FAT4: variants seen among roughly 807,000 people sequenced by gnomAD.
The protein encoded by FAT4 is protocadherin Fat 4.
In FAT4, 84 loss-of-function variants were observed where a neutral mutation model predicts 303.9. That is an observed-to-expected ratio of 0.28 (90% CI 0.23 to 0.33). FAT4 has a LOEUF of 0.33. FAT4 is among the 10% of genes least tolerant of loss of function. The pLI, the probability that FAT4 is intolerant of heterozygous loss-of-function variation, is 1.00. For missense variants in FAT4, 6,005 were observed against 6,146.8 expected, an observed-to-expected ratio of 0.98 and a Z score of 0.77; for synonymous variants, 2,307 against 2,298.8, an observed-to-expected ratio of 1.00 and a Z score of -0.10.
chr4:125,321,051 T>C lies in FAT4; in HGVS notation c.4640T>C (p.Leu1547Pro). 1 of 1,614,204 alleles carries C rather than the reference T, an allele frequency of 6.2e-7. No individual in the cohort carries two copies. The highest frequency in any genetic ancestry group is 8.5e-7 in the Non-Finnish European group (1 of 1,180,016). Residue 1547 changes from leucine (L) to proline (P), a missense_variant, in exon 2 of 18, where the codon CTG becomes CCG. By Grantham distance (98) the Leu-to-Pro change is moderately conservative (BLOSUM62 -3). Coordinates refer to ENST00000394329, the MANE Select transcript of FAT4 (RefSeq NM_001291303.3). ...ADPSAVIGSV[L>P]TTIMAADPDE... The stretch of plus-strand genomic sequence containing the variant: ...CCATCAGCTGTGATTGGTTCCGTTC[T>C]GACAACAATTATGGCTGCTGACCCA...
chr4:125,381,264 T>TTC (rs1400911065), intron 2 of FAT4, among the ~76,000 whole-genome samples: 4 of 152,188 alleles, frequency 2.6e-5, no homozygotes, highest in Non-Finnish European at 5.9e-5. Flanking sequence ...TTTTCTGCCC[T>TTC]TCTATACTTT....
intron 2 of FAT4, among the ~76,000 whole-genome samples, chr4:125,381,459 ATG>A (rs2125999156): frequency 7.6e-6 from 1 of 132,344 alleles, no homozygotes; most frequent in Non-Finnish European, 1.8e-5. Context: ...ATATAAAATT[ATG>A]TTTATTCTAT....
intron 8 of FAT4, among the ~76,000 whole-genome samples, chr4:125,441,731 C>A (rs1371464156): frequency 6.6e-6 from 1 of 152,126 alleles, no homozygotes; most frequent in Non-Finnish European, 1.5e-5. Flanking sequence ...TATGGTATAA[C>A]CCCCAGTCTT....
At chr4:125,481,456 T>C in intron 15 of FAT4, 65 bp from the exon 16 acceptor site, 2 of 1,425,440 alleles carry the variant, frequency 1.4e-6, no homozygotes, top group Non-Finnish European at 2.0e-6. Flanking sequence ...TTTGTCACTA[T>C]AGAAAACACT....
At chr4:125,434,545 T>C in intron 8 of FAT4, 120 bp downstream of exon 8, 1 of 777,636 alleles carries the variant, frequency 1.3e-6, no homozygotes, top group Non-Finnish European at 2.0e-6. Flanking sequence ...CTCTTCTTGT[T>C]ATCCATTGCT....
intron 8 of FAT4, among the ~76,000 whole-genome samples, chr4:125,435,244 A>C (rs4834037): frequency 0.99 from 150,808 of 152,318 alleles, 74,672 homozygotes; most frequent in East Asian, 1. Flanking sequence ...ATCAACCTAG[A>C]TTGTCCCCTT....
At chr4:125,462,701 T>C (rs991419554) in intron 10 of FAT4, among the ~76,000 whole-genome samples, 1 of 152,052 alleles carries the variant, frequency 6.6e-6, no homozygotes, top group Non-Finnish European at 1.5e-5. Context: ...GTCTGTGTCA[T>C]AGTTTTACAG....
In FAT4 at chr4:125,398,837, C is replaced by T. The variant is rs777915862; in HGVS notation, c.5229C>T (p.Asp1743=). Residue 1743 remains aspartate (D), a synonymous_variant, in exon 3 of 18, where the codon GAC becomes GAT. Transcript: ENST00000394329. ...INDNPPVFPT[D]MLDLTVEENI... ...ACAATCCACCAGTATTTCCAACGGA[C>T]ATGCTGGATCTCACGGTAGAGGAGA... 6 of 1,612,494 alleles carry T rather than the reference C, an allele frequency of 3.7e-6. No homozygotes were observed. The African/African-American group carries it at 4.0e-5, about 11-fold the overall frequency.
Position 125,416,639 on chromosome 4 carries a change from C to T in FAT4, c.7018+17C>T, listed in dbSNP as rs771741976. ...CAGATTCAGGTAAGTCCATTACACC[C>T]TTGTTCATTTGTAGATAATTTCTAG... On this transcript the variant is annotated intron_variant, in intron 7 of 17. Coordinates refer to ENST00000394329, the MANE Select transcript of FAT4 (RefSeq NM_001291303.3). 6.2e-7 allele frequency: 1 copy of T among 1,610,682 alleles called. No homozygotes were observed. Among genetic ancestry groups the T allele is most frequent in the Admixed American group, 1.7e-5 (1 of 59,698 alleles).
chr4:125,424,073 A>G (rs1442305454), intron 7 of FAT4, among the ~76,000 whole-genome samples: 1 of 152,152 alleles, frequency 6.6e-6, no homozygotes, highest in Admixed American at 6.5e-5. Context: ...TTTTGAGTTA[A>G]TGCTGAAATA....
Position 125,404,431 on chromosome 4 carries a change from C to T in FAT4, c.5308-2449C>T, listed in dbSNP as rs1474235355. On this transcript the variant is annotated intron_variant, in intron 3 of 17. Transcript: ENST00000394329. ...CTCAAAAAATATACCGATACTCTAA[C>T]ATTTTAGCTTGACTTTCTTCTTTTG... Among the ~76,000 whole-genome samples the T allele has an allele frequency of 2.0e-5, 3 of 152,138 alleles. No individual in the cohort carries two copies. The East Asian group carries it at 5.8e-4, about 29-fold the overall frequency.
chr4:125,385,024 A>ATATATT (rs1445379104), intron 2 of FAT4, among the ~76,000 whole-genome samples: 2 of 94,444 alleles, frequency 2.1e-5, no homozygotes, highest in African/African-American at 8.5e-5. Flanking sequence ...ATATATATAT[A>ATATATT]TTTTTTTTTT....
At chr4:125,366,838 C>G (rs1308250079) in intron 2 of FAT4, among the ~76,000 whole-genome samples, 1 of 151,948 alleles carries the variant, frequency 6.6e-6, no homozygotes, top group African/African-American at 2.4e-5. Context: ...ACTTGCATTT[C>G]TCTAATGATC....
At chr4:125,419,665 T>C (rs773524966) in intron 7 of FAT4, among the ~76,000 whole-genome samples, 3 of 152,174 alleles carry the variant, frequency 2.0e-5, no homozygotes, top group Non-Finnish European at 4.4e-5. Context: ...TAACTTGGTC[T>C]CTGTCCATTT....
At chr4:125,403,637 T>C (rs1033907697) in intron 3 of FAT4, among the ~76,000 whole-genome samples, 2 of 152,154 alleles carry the variant, frequency 1.3e-5, no homozygotes, top group Admixed American at 6.6e-5. Flanking sequence ...ATTTCTATGA[T>C]GCTATTCTTT....
At chr4:125,485,684 T>C (rs1267622877) in intron 16 of FAT4, among the ~76,000 whole-genome samples, 1 of 152,158 alleles carries the variant, frequency 6.6e-6, no homozygotes, top group Non-Finnish European at 1.5e-5. Context: ...CCCTCTAAAA[T>C]AATGATTAAA....
intron 2 of FAT4, among the ~76,000 whole-genome samples, chr4:125,345,882 G>A (rs1179932259): frequency 3.9e-5 from 6 of 152,042 alleles, no homozygotes; most frequent in African/African-American, 1.4e-4. Flanking sequence ...CAGTTCAGTT[G>A]AGCTGTTGTT....
At chr4:125,408,909 G>A (rs1578609927) in intron 5 of FAT4, 115 bp downstream of exon 5, 1 of 502,550 alleles carries the variant, frequency 2.0e-6, no homozygotes, top group Non-Finnish European at 3.4e-6. Context: ...AATATAGGTT[G>A]GAAGTTGAGG....
chr4:125,388,924 A>G (rs1733871961), intron 2 of FAT4, among the ~76,000 whole-genome samples: 1 of 152,168 alleles, frequency 6.6e-6, no homozygotes. Flanking sequence ...TCTTCTTAGT[A>G]AGAAATGCAT....
Sources: allele counts gnomAD v4.1 joint callset (sites outside exome capture counted in the v4.1 genomes callset), GRCh38; gene constraint gnomAD v4.1.1; transcripts MANE v1.5; gene names NCBI Gene and HGNC (gene_info 2026-07-23, HGNC 2026-07-21).